The following RHBDF2 variants were observed in gnomAD, a reference collection of about 807,000 sequenced individuals.
RHBDF2 encodes the protein inactive rhomboid protein 2.
A neutral mutation model predicts 95.2 loss-of-function variants in RHBDF2; 38 were observed. The observed-to-expected ratio is 0.40, with a 90% CI of 0.31 to 0.52. The LOEUF is 0.52. RHBDF2 is among the 20% of genes least tolerant of loss of function. RHBDF2 has a pLI of 0.56. For synonymous variants in RHBDF2, 442 were observed against 462.0 expected (o/e 0.96, Z 0.55); for missense variants, 863 against 1,137.7 (o/e 0.76, Z 3.47).
intron 1 of RHBDF2, among the ~76,000 whole-genome samples, chr17:76,493,968 G>A (rs1484580318): frequency 6.6e-6 from 1 of 152,230 alleles, no homozygotes; most frequent in East Asian, 1.9e-4. Context: ...ACTTCTCTGG[G>A]CTTTTTCCTA....
chr17:76,471,081 C>G lies in RHBDF2; in HGVS notation c.*552G>C. The G allele has an allele frequency of 6.4e-6, 1 of 155,982 alleles. No individual in the cohort carries two copies. Among genetic ancestry groups the G allele is most frequent in the Admixed American group, 6.2e-5 (1 of 16,136 alleles). 9.7% of individuals were successfully genotyped at this position (155,982 alleles called of 1,614,324 possible). ...CTACCTGAGGTCTACTTGTGTCTCC[C>G]CCCTTGTTCTCTGCCCCCAGACCAT... On this transcript the variant is annotated 3_prime_UTR_variant, in exon 19 of 19. Coordinates refer to ENST00000675367, the MANE Select transcript of RHBDF2 (RefSeq NM_001005498.4).
chr17:76,481,564 G>T lies in RHBDF2; in HGVS notation c.-21-19C>A. ...GGGAGGGCTGGAATGGAGACCGGGA[G>T]AGCAGCGGTGGGCGGTGCGGGGTGG... On this transcript the variant is annotated intron_variant, in intron 2 of 18. Transcript: ENST00000675367. The T allele has an allele frequency of 6.3e-7, 1 of 1,593,074 alleles. No homozygotes were observed. Among genetic ancestry groups the T allele is most frequent in the South Asian group, 1.1e-5 (1 of 90,444 alleles).
intron 6 of RHBDF2, among the ~76,000 whole-genome samples, 200 bp from the exon 7 acceptor site, chr17:76,477,985 C>T (rs1192126721): frequency 6.6e-6 from 1 of 152,252 alleles, no homozygotes; most frequent in East Asian, 1.9e-4. Context: ...AATGAGACAC[C>T]AGCTTCCGTT....
chr17:76,498,734 T>C (rs746140632), intron 1 of RHBDF2, among the ~76,000 whole-genome samples: 12 of 151,918 alleles, frequency 7.9e-5, no homozygotes, highest in Non-Finnish European at 1.3e-4. Context: ...TGTAGTGTGA[T>C]TTATTCCTCC....
rs2073894692 is a variant in RHBDF2, at chr17:76,479,845, G to A, written c.160C>T (p.Pro54Ser). ...AGGCTGACGCTCTTCAAGTAGGCTG[G>A]GTTCTTCCTCTTGGGGAGGAAGGAG... Reference protein sequence around the residue: ...QDSMLPERKNPAYLKSVSLQE... With the variant: ...QDSMLPERKNSAYLKSVSLQE... The change falls in exon 4 of 19, where the codon CCA becomes TCA. Residue 54 changes from proline (P) to serine (S), a missense_variant. By Grantham distance (74) the Pro-to-Ser change is moderately conservative. Around this residue, in one of 2 missense-constraint regions of RHBDF2, gnomAD observed 611 missense variants for 725.5 expected, o/e 0.84. Coordinates refer to ENST00000675367, the MANE Select transcript of RHBDF2 (RefSeq NM_001005498.4). 1 of 1,612,826 alleles carries A rather than the reference G, an allele frequency of 6.2e-7. No individual in the cohort carries two copies. Among genetic ancestry groups the A allele is most frequent in the Non-Finnish European group, 8.5e-7 (1 of 1,179,686 alleles).
chr17:76,499,059 C>G (rs1446248174), intron 1 of RHBDF2, among the ~76,000 whole-genome samples: 2 of 152,000 alleles, frequency 1.3e-5, no homozygotes, highest in East Asian at 3.9e-4. Context: ...GAGAGGCTCA[C>G]AGCAATGGAG....
chr17:76,477,793 C>T lies in RHBDF2; in HGVS notation c.673-8G>A, dbSNP rs368084724. ...ATCCAGCACCGAGCGCCCCTGTGCA[C>T]GGGCAGAGGCACAGCCATCAGGACC... On this transcript the variant is annotated splice_polypyrimidine_tract_variant and splice_region_variant and intron_variant, in intron 6 of 18. Transcript: ENST00000675367. 3.4e-5 allele frequency: 54 copies of T among 1,607,898 alleles called. No individual in the cohort carries two copies. In the African/African-American group the frequency reaches 4.7e-4, roughly 14 times the overall value.
At chr17:76,489,927 T>TC (rs80126274) in intron 1 of RHBDF2, among the ~76,000 whole-genome samples, 3,180 of 152,252 alleles carry the variant, frequency 0.021, 93 homozygotes, top group South Asian at 0.13. Flanking sequence ...GGGGACGGGC[T>TC]CCTCTTGCCC....
At chr17:76,485,934 C>T (rs2074113857) in intron 2 of RHBDF2, among the ~76,000 whole-genome samples, 1 of 151,918 alleles carries the variant, frequency 6.6e-6, no homozygotes. Context: ...TAGACAGAAG[C>T]AGGGTAGTGG....
chr17:76,477,631 C>T (rs1238590812), intron 7 of RHBDF2, 26 bp downstream of exon 7: 15 of 1,612,378 alleles, frequency 9.3e-6, no homozygotes, highest in Non-Finnish European at 1.2e-5. Context: ...CCACCCAACT[C>T]CTGCTGTCCC....
At position 76,501,396 on chromosome 17, in the gene RHBDF2, C is replaced by G. The variant is rs569924131; in HGVS notation, c.-263G>C. On this transcript the variant is annotated 5_prime_UTR_variant, in exon 1 of 19. Transcript: ENST00000675367. The stretch of plus-strand genomic sequence containing the variant: ...CCCCGGGACGCAACTCCGTGCGGCG[C>G]CTGCGAGCGGCTGGGCGGTGGCTCC... 1 of 152,332 alleles carries G rather than the reference C, an allele frequency of 6.6e-6. No individual in the cohort carries two copies. The highest frequency in any genetic ancestry group is 1.5e-5 in the Non-Finnish European group (1 of 68,088). 9.4% of individuals were successfully genotyped at this position (152,332 alleles called of 1,614,324 possible). A position where few individuals can be genotyped will look rare whatever the true frequency, so the allele number is the denominator to read the frequency against.
chr17:76,495,836 C>T (rs1224006077), intron 1 of RHBDF2, among the ~76,000 whole-genome samples: 1 of 152,198 alleles, frequency 6.6e-6, no homozygotes, highest in Non-Finnish European at 1.5e-5. Context: ...AACTAATAAA[C>T]CTGATTTCCC....
At position 76,481,542 on chromosome 17, in the gene RHBDF2, A is replaced by C. The variant is rs2073965508; in HGVS notation, c.-18T>G. 2 of 1,602,564 alleles carry C rather than the reference A, an allele frequency of 1.2e-6. No individual in the cohort carries two copies. Among genetic ancestry groups the C allele is most frequent in the Non-Finnish European group, 1.7e-6 (2 of 1,177,996 alleles). On this transcript the variant is annotated 5_prime_UTR_variant, in exon 3 of 19. Coordinates refer to ENST00000675367, the MANE Select transcript of RHBDF2 (RefSeq NM_001005498.4). ...GAGGCCATTGTGGGCAGGAGGCGGGAGGGCTGGAATGGAGACCGGGAGAGC... is the reference window on the plus strand; with the variant it reads ...GAGGCCATTGTGGGCAGGAGGCGGGCGGGCTGGAATGGAGACCGGGAGAGC...
chr17:76,479,354 G>A (rs1317671498), intron 4 of RHBDF2, 77 bp from the exon 5 acceptor site: 11 of 1,533,606 alleles, frequency 7.2e-6, no homozygotes, highest in Middle Eastern at 3.3e-4. Flanking sequence ...AGGGGTGATG[G>A]CACGTGTGTG....
In RHBDF2 at chr17:76,473,241, C is replaced by A. The variant is rs374902969; in HGVS notation, c.1809+11G>T. On this transcript the variant is annotated intron_variant, in intron 16 of 18. Transcript: ENST00000675367. ...CCTCTCCTCCACTACTCCAGGCCTG[C>A]CTCGCCTCACCTGGGAGCAGAGTGT... The A allele has an allele frequency of 3.7e-6, 6 of 1,610,920 alleles. No individual in the cohort carries two copies. Among genetic ancestry groups the A allele is most frequent in the Non-Finnish European group, 5.1e-6 (6 of 1,178,182 alleles).
rs746910146 is a variant in RHBDF2, at chr17:76,473,874, C to T, written c.1603G>A (p.Ala535Thr). The part of the protein sequence containing the change: ...RTCEEPASSG[A>T]HIWPDDITKW... ...GTGATGTCATCGGGCCAGATGTGGG[C>T]ACCGCTGGAGGCTGGCTCCTCGCAG... is the stretch of plus-strand genomic sequence containing the variant. The change falls in exon 14 of 19, where the codon GCC becomes ACC. Residue 535 changes from alanine (A) to threonine (T), a missense_variant. Physicochemically the swap from Ala to Thr is moderately conservative, Grantham distance 58. Coordinates refer to ENST00000675367, the MANE Select transcript of RHBDF2 (RefSeq NM_001005498.4). 2.5e-6 allele frequency: 4 copies of T among 1,614,102 alleles called. No homozygotes were observed. Among genetic ancestry groups the T allele is most frequent in the Non-Finnish European group, 3.4e-6 (4 of 1,180,018 alleles).
At chr17:76,488,361 A>G (rs1259935217) in intron 1 of RHBDF2, among the ~76,000 whole-genome samples, 1 of 151,726 alleles carries the variant, frequency 6.6e-6, no homozygotes, top group African/African-American at 2.4e-5. Flanking sequence ...TTAGCTGGGT[A>G]TGGTGGTGCA....
chr17:76,499,077 T>C (rs1487567195), intron 1 of RHBDF2, among the ~76,000 whole-genome samples: 2 of 152,104 alleles, frequency 1.3e-5, no homozygotes, highest in Non-Finnish European at 2.9e-5. Flanking sequence ...GAGGCCACTT[T>C]TGTTTTTTGT....
Position 76,477,244 on chromosome 17 carries a change from T to C in RHBDF2, c.856A>G (p.Ser286Gly). The C allele has an allele frequency of 6.2e-7, 1 of 1,607,692 alleles. No individual in the cohort carries two copies. Among genetic ancestry groups the C allele is most frequent in the Non-Finnish European group, 8.5e-7 (1 of 1,178,230 alleles). ...DVFESPPLSA[S>G]YFRGIPHSAS... ...GAGTGTGGGATCCCTCGGAAGTAGC[T>C]GGCAGAGAGTGGGGGGGACTCAAAG... Residue 286 changes from serine to glycine, a missense_variant, in exon 8 of 19, where the codon AGC becomes GGC. By Grantham distance (56) the Ser-to-Gly change is moderately conservative. Coordinates refer to ENST00000675367, the MANE Select transcript of RHBDF2 (RefSeq NM_001005498.4).
Sources: allele counts gnomAD v4.1 joint callset (sites outside exome capture counted in the v4.1 genomes callset), GRCh38; gene constraint gnomAD v4.1.1; regional missense constraint gnomAD v4.1.1; transcripts MANE v1.5; gene names NCBI Gene and HGNC (gene_info 2026-07-23, HGNC 2026-07-21).